Variants in ANKFN1 observed in about 807,000 individuals in gnomAD.
ANKFN1 encodes ankyrin repeat and fibronectin type-III domain-containing protein 1.
ANKFN1 carries 74 observed loss-of-function variants against 108.7 expected under a neutral mutation model. The observed-to-expected ratio is 0.68, with a 90% confidence interval of 0.56 to 0.83. The LOEUF is 0.83. ANKFN1 is among the 40% of genes least tolerant of loss of function. ANKFN1 has a pLI of 0.00. For synonymous variants in ANKFN1, 547 were observed against 516.2 expected (o/e 1.06, Z -0.81); for missense variants, 1,505 against 1,382.3 (o/e 1.09, Z -1.41).
At chr17:56,166,500 C>A (rs1044674629) in intron 1 of ANKFN1, among the ~76,000 whole-genome samples, 1 of 152,200 alleles carries the variant, frequency 6.6e-6, no homozygotes, top group Non-Finnish European at 1.5e-5. Flanking sequence ...GAGGTTGCTT[C>A]CTGCTCTAAC....
intron 4 of ANKFN1, among the ~76,000 whole-genome samples, chr17:56,339,835 G>A (rs975657015): frequency 1.3e-5 from 2 of 152,136 alleles, no homozygotes; most frequent in Admixed American, 6.6e-5. Context: ...TGGGATTGCT[G>A]AGTCAAATGG....
intron 2 of ANKFN1, among the ~76,000 whole-genome samples, chr17:56,222,493 A>G (rs577715748): frequency 6.6e-6 from 1 of 152,362 alleles, no homozygotes; most frequent in African/African-American, 2.4e-5. Flanking sequence ...CAATCAGAAC[A>G]GGTGGCTGTC....
At position 56,085,885 on chromosome 17, in the gene ANKFN1, G is replaced by A. The variant is rs531071033; in HGVS notation, c.288+39560G>A. Reference sequence around the variant, plus strand: ...CAGGCTGTGATGAACAAATTGGATCGATTAAATTCTTCTCTTTGCAGAGTT... The same window carrying A: ...CAGGCTGTGATGAACAAATTGGATCAATTAAATTCTTCTCTTTGCAGAGTT... On this transcript the variant is annotated intron_variant, in intron 4 of 12. Transcript: ENST00000635860. Among the ~76,000 whole-genome samples, 95 of 151,360 alleles carry A rather than the reference G, an allele frequency of 6.3e-4. 3 individuals carry two copies. Among genetic ancestry groups the A allele is most frequent in the Non-Finnish European group, 1.3e-3 (88 of 67,738 alleles).
intron 8 of ANKFN1, among the ~76,000 whole-genome samples, chr17:56,398,049 C>G (rs999018169): frequency 3.3e-5 from 5 of 152,160 alleles, no homozygotes; most frequent in African/African-American, 1.2e-4. Flanking sequence ...TGTATTCTTT[C>G]AGGGGACCAT....
chr17:56,157,879 C>T (rs759225640), intron 1 of ANKFN1, among the ~76,000 whole-genome samples: 1 of 152,222 alleles, frequency 6.6e-6, no homozygotes, highest in South Asian at 2.1e-4. Context: ...TCTCCACTCC[C>T]GTTTTCAGGC....
At chr17:56,103,626 A>G (rs1237983616) in intron 4 of ANKFN1, among the ~76,000 whole-genome samples, 1 of 152,166 alleles carries the variant, frequency 6.6e-6, no homozygotes, top group Non-Finnish European at 1.5e-5. Flanking sequence ...GATCTGCTGA[A>G]AAGAGAATTC....
At chr17:56,082,452 C>T (rs1479064095) in intron 4 of ANKFN1, among the ~76,000 whole-genome samples, 2 of 151,076 alleles carry the variant, frequency 1.3e-5, no homozygotes, top group East Asian at 3.9e-4. Context: ...AAAAAAAAAC[C>T]ACGAGGCACT....
chr17:56,141,675 G>T (rs911178870), intron 4 of ANKFN1, among the ~76,000 whole-genome samples: 1 of 152,076 alleles, frequency 6.6e-6, no homozygotes, highest in African/African-American at 2.4e-5. Context: ...GGGTGTGTGT[G>T]GGGGGTGGGG....
intron 3 of ANKFN1, among the ~76,000 whole-genome samples, chr17:56,270,996 G>A (rs951115291): frequency 6.6e-6 from 1 of 151,964 alleles, no homozygotes; most frequent in Non-Finnish European, 1.5e-5. Flanking sequence ...GCCATTGTTT[G>A]TAAAATTATT....
intron 4 of ANKFN1, among the ~76,000 whole-genome samples, chr17:56,142,364 C>A (rs544000584): frequency 6.6e-6 from 1 of 152,302 alleles, no homozygotes; most frequent in South Asian, 2.1e-4. Flanking sequence ...TCCCTCCACA[C>A]TTATGTCAAG....
At chr17:56,136,468 G>A (rs576376144) in intron 4 of ANKFN1, among the ~76,000 whole-genome samples, 7 of 152,192 alleles carry the variant, frequency 4.6e-5, no homozygotes, top group South Asian at 2.1e-4. Context: ...CTGGCTACAC[G>A]TCACAAAGAC....
intron 19 of ANKFN1, among the ~76,000 whole-genome samples, chr17:56,497,002 T>C (rs1456672947): frequency 6.6e-6 from 1 of 152,170 alleles, no homozygotes; most frequent in Non-Finnish European, 1.5e-5. Flanking sequence ...ACAGTCATTT[T>C]TTGAGTACAT....
chr17:56,170,807 T>TATATATATATATATATAC (rs1361307404), intron 1 of ANKFN1, among the ~76,000 whole-genome samples: 11 of 61,464 alleles, frequency 1.8e-4, no homozygotes, highest in African/African-American at 5.6e-4. Context: ...TATATATATA[T>TATATATATATATATATAC]ACACACACAC....
Position 56,330,822 on chromosome 17 carries a change from C to T in ANKFN1, c.188+4467C>T, listed in dbSNP as rs549072275. ...GTTGAACTGTAGAATCAATACTAATCATCTTTCTATCCTCTTCTTCATAAA... is the reference window on the plus strand; with the variant it reads ...GTTGAACTGTAGAATCAATACTAATTATCTTTCTATCCTCTTCTTCATAAA... On this transcript the variant is annotated intron_variant, in intron 4 of 20. Coordinates refer to ENST00000682825, the MANE Select transcript of ANKFN1 (RefSeq NM_001370326.1). Among the ~76,000 whole-genome samples the T allele has an allele frequency of 5.2e-4, 79 of 152,300 alleles. No homozygotes were observed. The South Asian group carries it at 0.015, about 30-fold the overall frequency.
chr17:56,237,723 C>A (rs180939713), intron 3 of ANKFN1, among the ~76,000 whole-genome samples: 9 of 151,706 alleles, frequency 5.9e-5, no homozygotes, highest in African/African-American at 2.2e-4. Flanking sequence ...ATTTTTATAA[C>A]AAACCAACTC....
At chr17:56,338,070 T>A (rs1260051789) in intron 4 of ANKFN1, among the ~76,000 whole-genome samples, 1 of 152,174 alleles carries the variant, frequency 6.6e-6, no homozygotes, top group Non-Finnish European at 1.5e-5. Context: ...CCATCAATGA[T>A]AGACTGGATT....
At chr17:56,365,803 T>C (rs913428340) in intron 6 of ANKFN1, among the ~76,000 whole-genome samples, 6 of 152,252 alleles carry the variant, frequency 3.9e-5, no homozygotes, top group Admixed American at 3.9e-4. Context: ...GCCAGTCATA[T>C]AAAAGTATGG....
intron 3 of ANKFN1, among the ~76,000 whole-genome samples, chr17:56,316,797 AG>A (rs1279073420): frequency 1.3e-5 from 2 of 152,154 alleles, no homozygotes; most frequent in African/African-American, 4.8e-5. Flanking sequence ...GGGGCCACCT[AG>A]GGTAATTAAA....
intron 3 of ANKFN1, among the ~76,000 whole-genome samples, chr17:56,238,180 G>A (rs984492571): frequency 6.6e-6 from 1 of 152,038 alleles, no homozygotes; most frequent in Admixed American, 6.6e-5. Context: ...TATGCTCATT[G>A]TTTTATGTCT....
Sources: allele counts gnomAD v4.1 joint callset (sites outside exome capture counted in the v4.1 genomes callset), GRCh38; gene constraint gnomAD v4.1.1; transcripts MANE v1.5; gene names NCBI Gene and HGNC (gene_info 2026-07-23, HGNC 2026-07-21).